The following METTL14 variants were observed in gnomAD, a reference collection of about 807,000 sequenced individuals.
The protein encoded by METTL14 is methyltransferase 14, N6-adenosine-methyltransferase non-catalytic subunit, also known as N(6)-adenosine-methyltransferase non-catalytic subunit METTL14.
METTL14 carries 32 observed loss-of-function variants against 62.4 expected under a neutral mutation model. That is an observed-to-expected ratio of 0.51 (90% confidence interval 0.39 to 0.69). The LOEUF is 0.69. Among genes scored for constraint, METTL14 ranks in the 30% least tolerant of loss-of-function variants. The pLI, the probability that METTL14 is intolerant of heterozygous loss-of-function variation, is 0.00. For missense variants in METTL14, 340 were observed against 551.9 expected (o/e 0.62, Z 3.85); for synonymous variants, 150 against 180.0 (o/e 0.83, Z 1.34).
chr4:118,698,832 A>G (rs1392134975), intron 7 of METTL14, among the ~76,000 whole-genome samples: 1 of 152,228 alleles, frequency 6.6e-6, no homozygotes, highest in African/African-American at 2.4e-5. Context: ...AAGGACAGGC[A>G]GATCTGGTTT....
intron 3 of METTL14, among the ~76,000 whole-genome samples, chr4:118,690,572 TAGGTGGCTG>T (rs986833517): frequency 3.3e-5 from 5 of 151,292 alleles, no homozygotes; most frequent in African/African-American, 1.2e-4. Flanking sequence ...CCCAGCTACT[TAGGTGGCTG>T]AGGCAGGAGA....
Position 118,713,128 on chromosome 4 carries a change from A to G in METTL14, c.*2826A>G, listed in dbSNP as rs181576250. The G allele has an allele frequency of 3.3e-5, 5 of 152,284 alleles. No homozygotes were observed. The highest frequency in any genetic ancestry group is 1.2e-4 in the African/African-American group (5 of 41,532). 9.4% of individuals were successfully genotyped at this position (152,284 alleles called of 1,614,324 possible). A position where few individuals can be genotyped will look rare whatever the true frequency, so the allele number is the denominator to read the frequency against. Reference sequence around the variant, plus strand: ...GTGTGGCATGGCAACCAACTCACAGATCCAGAGTTGAGAGGGATCACTACT... The same window carrying G: ...GTGTGGCATGGCAACCAACTCACAGGTCCAGAGTTGAGAGGGATCACTACT... On this transcript the variant is annotated 3_prime_UTR_variant, in exon 11 of 11. Transcript: ENST00000388822.
Position 118,707,709 on chromosome 4 carries a change from C to G in METTL14, c.1066+1888C>G, listed in dbSNP as rs539195205. Among the ~76,000 whole-genome samples the G allele has an allele frequency of 5.3e-5, 8 of 151,224 alleles. No individual in the cohort carries two copies. In the South Asian group the frequency reaches 1.5e-3, roughly 28 times the overall value. On this transcript the variant is annotated intron_variant, in intron 10 of 10. Coordinates refer to ENST00000388822, the MANE Select transcript of METTL14 (RefSeq NM_020961.4). ...GACCTTAGTTTATTAAGTTGCTCCT[C>G]AAACACACTTCTTCCTCAAGGACAT...
rs1724934801 is a variant in METTL14 at position 118,711,949 on chromosome 4, A to G, written c.*1647A>G. On this transcript the variant is annotated 3_prime_UTR_variant, in exon 11 of 11. Coordinates refer to ENST00000388822, the MANE Select transcript of METTL14 (RefSeq NM_020961.4). ...CCAAGGTGACATTCCTGCTGTTTAC[A>G]TGGCATAGGCACCTGTGAGATCAGT... 6.6e-6 allele frequency: 1 copy of G among 152,192 alleles called. No homozygotes were observed. Among genetic ancestry groups the G allele is most frequent in the Admixed American group, 6.5e-5 (1 of 15,280 alleles). The allele number at this position is 152,192 out of a possible 1,614,324, so 9.4% of individuals were successfully genotyped here.
intron 6 of METTL14, 50 bp downstream of exon 6, chr4:118,694,576 A>G: frequency 2.2e-6 from 3 of 1,377,896 alleles, no homozygotes; most frequent in Non-Finnish European, 3.1e-6. Flanking sequence ...GGCTTAAAGT[A>G]TCAGTTTGTT....
At chr4:118,705,973 T>C (rs561863181) in intron 10 of METTL14, 152 bp downstream of exon 10, 70 of 669,558 alleles carry the variant, frequency 1.0e-4, no homozygotes, top group African/African-American at 4.9e-4. Flanking sequence ...CACAGCAAAA[T>C]TGAGAGGAAG....
intron 8 of METTL14, among the ~76,000 whole-genome samples, chr4:118,700,922 C>T (rs1456203885): frequency 1.3e-5 from 2 of 152,174 alleles, no homozygotes; most frequent in East Asian, 1.9e-4. Context: ...CCAAATTATA[C>T]CTCAAAAATG....
chr4:118,685,423 T>C lies in METTL14; in HGVS notation c.-112T>C. On this transcript the variant is annotated 5_prime_UTR_variant, in exon 1 of 11. Coordinates refer to ENST00000388822, the MANE Select transcript of METTL14 (RefSeq NM_020961.4). ...CTACTGAGGAAAGCTATGAGGATAC[T>C]CTGTTCGTAAGCTCCCGGTGAATTT... The C allele has an allele frequency of 8.3e-6, 9 of 1,085,366 alleles. No homozygotes were observed. The highest frequency in any genetic ancestry group is 1.3e-5 in the Non-Finnish European group (9 of 707,930). 67.2% of individuals were successfully genotyped at this position (1,085,366 alleles called of 1,614,324 possible).
intron 4 of METTL14, 69 bp from the exon 5 acceptor site, chr4:118,691,912 A>G: frequency 1.0e-6 from 1 of 984,564 alleles, no homozygotes; most frequent in Non-Finnish European, 1.6e-6. Context: ...TGTAATAGAA[A>G]ACAGTACAGA....
intron 2 of METTL14, among the ~76,000 whole-genome samples, chr4:118,688,735 G>A (rs1036152105): frequency 6.6e-6 from 1 of 152,142 alleles, no homozygotes; most frequent in East Asian, 1.9e-4. Context: ...GTGCAGTGGC[G>A]CAATCTCGGC....
intron 7 of METTL14, among the ~76,000 whole-genome samples, chr4:118,699,579 GA>G (rs980448796): frequency 3.3e-5 from 5 of 152,058 alleles, no homozygotes; most frequent in African/African-American, 1.2e-4. Context: ...TTGCTCAAAA[GA>G]AAAAATTTAA....
chr4:118,707,022 G>A (rs1022847918), intron 10 of METTL14, among the ~76,000 whole-genome samples: 7 of 151,690 alleles, frequency 4.6e-5, no homozygotes, highest in Admixed American at 3.3e-4. Context: ...TCTCTTATTC[G>A]GTGACTGTCT....
chr4:118,705,951 C>T, intron 10 of METTL14, 130 bp downstream of exon 10: 1 of 754,466 alleles, frequency 1.3e-6, no homozygotes, highest in Non-Finnish European at 2.2e-6. Context: ...CAAATATGAA[C>T]AGTTTCAGGT....
At chr4:118,696,578 A>G (rs1724420877) in intron 6 of METTL14, among the ~76,000 whole-genome samples, 1 of 152,206 alleles carries the variant, frequency 6.6e-6, no homozygotes, top group East Asian at 1.9e-4. Flanking sequence ...AAACCCATTT[A>G]CATTTAAAGT....
chr4:118,702,938 T>TTTATTATTATTA (rs70944804), intron 8 of METTL14, among the ~76,000 whole-genome samples: 259 of 135,144 alleles, frequency 1.9e-3, no homozygotes, highest in East Asian at 0.01. Context: ...GTTGGAAGGT[T>TTTATTATTATTA]TTATTATTAT....
At chr4:118,692,695 C>T (rs976764886) in intron 5 of METTL14, among the ~76,000 whole-genome samples, 10 of 138,828 alleles carry the variant, frequency 7.2e-5, no homozygotes, top group Non-Finnish European at 1.6e-4. Context: ...ACATACTGTA[C>T]AATTCACTCA....
Position 118,710,502 on chromosome 4 carries a change from C to G in METTL14, c.*200C>G. 1 of 562,530 alleles carries G rather than the reference C, an allele frequency of 1.8e-6. No homozygotes were observed. Among genetic ancestry groups the G allele is most frequent in the South Asian group, 2.4e-5 (1 of 41,590 alleles). The allele number at this position is 562,530 out of a possible 1,614,324, so 34.8% of individuals were successfully genotyped here. On this transcript the variant is annotated 3_prime_UTR_variant, in exon 11 of 11. Coordinates refer to ENST00000388822, the MANE Select transcript of METTL14 (RefSeq NM_020961.4). ...TTTTTTTCAGGATAAATGAATGATT[C>G]TGCCTTTTGTTATGTGCGTGAACAG... is the stretch of plus-strand genomic sequence containing the variant.
At chr4:118,690,238 C>A (rs1376558762) in intron 3 of METTL14, among the ~76,000 whole-genome samples, 2 of 150,610 alleles carry the variant, frequency 1.3e-5, no homozygotes, top group Non-Finnish European at 3.0e-5. Context: ...CAGGGTTTCA[C>A]CATATTGGCC....
chr4:118,710,442 G>C lies in METTL14; in HGVS notation c.*140G>C, dbSNP rs1231603149. 1 of 830,016 alleles carries C rather than the reference G, an allele frequency of 1.2e-6. No homozygotes were observed. Among genetic ancestry groups the C allele is most frequent in the Admixed American group, 3.0e-5 (1 of 33,526 alleles). 51.4% of individuals were successfully genotyped at this position (830,016 alleles called of 1,614,324 possible). A position where few individuals can be genotyped will look rare whatever the true frequency, so the allele number is the denominator to read the frequency against. ...CTCTGAGCTGCAAGAATGTCTTAGCGAGCCTTGCTTGCAGTTGTCACACAC... is the reference window on the plus strand; with the variant it reads ...CTCTGAGCTGCAAGAATGTCTTAGCCAGCCTTGCTTGCAGTTGTCACACAC... On this transcript the variant is annotated 3_prime_UTR_variant, in exon 11 of 11. Transcript: ENST00000388822.
Sources: gnomAD v4.1 joint callset for allele counts (sites outside exome capture counted in the v4.1 genomes callset) on GRCh38, gnomAD v4.1.1 for gene constraint, MANE v1.5 for transcripts, NCBI Gene and HGNC (gene_info 2026-07-23, HGNC 2026-07-21) for gene names.